OSBPL11: variants seen among roughly 807,000 people sequenced by gnomAD.
OSBPL11 encodes the protein oxysterol binding protein like 11.
OSBPL11 carries 33 observed loss-of-function variants against 84.4 expected under a neutral mutation model. That is an observed-to-expected ratio of 0.39 (90% CI 0.30 to 0.52). The LOEUF (loss-of-function observed/expected upper bound fraction) is 0.52. OSBPL11 is among the 20% of genes least tolerant of loss of function. The pLI is 0.72. For synonymous variants in OSBPL11, 276 were observed against 310.2 expected (o/e 0.89, Z 1.16); for missense variants, 736 against 901.1 (o/e 0.82, Z 2.35).
Position 125,560,536 on chromosome 3 carries a change from G to A in OSBPL11, c.1015-17C>T. ...TTCAGGCTCCTTGATGGAAAACAAAGCAAAAGTCTAGTATTTTAACTACCT... is the reference window on the plus strand; with the variant it reads ...TTCAGGCTCCTTGATGGAAAACAAAACAAAAGTCTAGTATTTTAACTACCT... On this transcript the variant is annotated splice_polypyrimidine_tract_variant and intron_variant, in intron 7 of 12. Transcript: ENST00000296220. 1 of 1,536,952 alleles carries A rather than the reference G, an allele frequency of 6.5e-7. No individual in the cohort carries two copies. The highest frequency in any genetic ancestry group is 8.8e-7 in the Non-Finnish European group (1 of 1,135,838).
At chr3:125,587,356 AT>A (rs1936529273) in intron 1 of OSBPL11, among the ~76,000 whole-genome samples, 1 of 152,234 alleles carries the variant, frequency 6.6e-6, no homozygotes, top group African/African-American at 2.4e-5. Context: ...AAGATGTTAA[AT>A]TTAATGAACC....
intron 9 of OSBPL11, among the ~76,000 whole-genome samples, chr3:125,548,025 C>T (rs930185214): frequency 6.6e-6 from 1 of 151,996 alleles, no homozygotes; most frequent in Non-Finnish European, 1.5e-5. Context: ...TACAGGTGCC[C>T]GCCACCATAC....
chr3:125,580,271 T>A (rs1015288234), intron 2 of OSBPL11, among the ~76,000 whole-genome samples: 1 of 151,990 alleles, frequency 6.6e-6, no homozygotes, highest in African/African-American at 2.4e-5. Context: ...TCCCAGCACT[T>A]TGGGAGGCAG....
chr3:125,588,582 C>A (rs1306437835), intron 1 of OSBPL11, among the ~76,000 whole-genome samples: 1 of 152,178 alleles, frequency 6.6e-6, no homozygotes, highest in Non-Finnish European at 1.5e-5. Flanking sequence ...AGGTACCAGG[C>A]AAGTCACATG....
chr3:125,582,282 C>G (rs925233792), intron 2 of OSBPL11, among the ~76,000 whole-genome samples: 1 of 151,894 alleles, frequency 6.6e-6, no homozygotes, highest in African/African-American at 2.4e-5. Context: ...TTACAGTGAG[C>G]CGAGATCATG....
chr3:125,583,714 G>T (rs1040250960), intron 1 of OSBPL11, among the ~76,000 whole-genome samples: 1 of 151,468 alleles, frequency 6.6e-6, no homozygotes, highest in Non-Finnish European at 1.5e-5. Context: ...AACATAATGA[G>T]ACACTGTCTC....
chr3:125,582,856 C>T (rs1270453949), intron 2 of OSBPL11, 54 bp downstream of exon 2: 2 of 1,223,176 alleles, frequency 1.6e-6, no homozygotes, highest in Non-Finnish European at 2.3e-6. Flanking sequence ...AATTATTGGG[C>T]CCTATTCCTG....
intron 8 of OSBPL11, among the ~76,000 whole-genome samples, chr3:125,559,996 T>C (rs1038931144): frequency 2.6e-5 from 4 of 151,520 alleles, no homozygotes; most frequent in African/African-American, 9.7e-5. Flanking sequence ...GTGCAATGGC[T>C]CACGCCTGTA....
rs1422516003 is a variant in OSBPL11, at chr3:125,594,834, G to A, written c.-34C>T. Reference sequence around the variant, plus strand: ...CAAAGTCCACTTGCCCTTCTTGAGCGGGAGAGAACAATTCTGTAGTTCTGT... The same window carrying A: ...CAAAGTCCACTTGCCCTTCTTGAGCAGGAGAGAACAATTCTGTAGTTCTGT... On this transcript the variant is annotated 5_prime_UTR_variant, in exon 1 of 13. Transcript: ENST00000296220. The A allele has an allele frequency of 1.9e-6, 3 of 1,604,114 alleles. No homozygotes were observed. Among genetic ancestry groups the A allele is most frequent in the East Asian group, 4.5e-5 (2 of 44,748 alleles).
chr3:125,547,472 G>A lies in OSBPL11; in HGVS notation c.1775C>T (p.Ala592Val). 1 of 1,614,052 alleles carries A rather than the reference G, an allele frequency of 6.2e-7. No individual in the cohort carries two copies. Among genetic ancestry groups the A allele is most frequent in the Non-Finnish European group, 8.5e-7 (1 of 1,180,000 alleles). ...GATGCTGGCTGAATATCCAGTTTTT[G>A]CACAGTTGACACTGACTTTGCCACC... Reference protein sequence around the residue: ...ELGGKVSVNCAKTGYSASITF... With the variant: ...ELGGKVSVNCVKTGYSASITF... Residue 592 changes from alanine to valine, a missense_variant, in exon 10 of 13, where the codon GCA (alanine) becomes GTA (valine). Coordinates refer to ENST00000296220, the MANE Select transcript of OSBPL11 (RefSeq NM_022776.5).
intron 1 of OSBPL11, among the ~76,000 whole-genome samples, chr3:125,593,348 G>A (rs1314069003): frequency 6.6e-6 from 1 of 152,136 alleles, no homozygotes; most frequent in Non-Finnish European, 1.5e-5. Flanking sequence ...GGCCAGGCGC[G>A]GTGGCTCAAG....
intron 1 of OSBPL11, among the ~76,000 whole-genome samples, chr3:125,584,424 G>A (rs1205705439): frequency 6.6e-6 from 1 of 152,032 alleles, no homozygotes; most frequent in Admixed American, 6.6e-5. Context: ...CTGTCCAGTT[G>A]CTCCATAATC....
chr3:125,588,921 C>T (rs116042525), intron 1 of OSBPL11, among the ~76,000 whole-genome samples: 2,706 of 152,280 alleles, frequency 0.018, 35 homozygotes, highest in Non-Finnish European at 0.029. Flanking sequence ...TAAAGTCTAA[C>T]TGTATTTTAA....
chr3:125,544,763 A>C (rs1167003054), intron 10 of OSBPL11, among the ~76,000 whole-genome samples: 1 of 152,174 alleles, frequency 6.6e-6, no homozygotes, highest in Non-Finnish European at 1.5e-5. Flanking sequence ...GTGAGAATGC[A>C]ATTAAAATTT....
At chr3:125,534,605 A>G (rs1935612565) in intron 11 of OSBPL11, among the ~76,000 whole-genome samples, 1 of 151,832 alleles carries the variant, frequency 6.6e-6, no homozygotes, top group South Asian at 2.1e-4. Context: ...AAACCCACAA[A>G]GGAAATAAGA....
intron 5 of OSBPL11, among the ~76,000 whole-genome samples, chr3:125,573,628 C>T (rs185808133): frequency 5.3e-4 from 80 of 152,024 alleles, no homozygotes; most frequent in African/African-American, 1.9e-3. Context: ...TTTGGGAGGC[C>T]GAGGCGGGTG....
intron 5 of OSBPL11, among the ~76,000 whole-genome samples, chr3:125,575,420 C>G (rs1422634047): frequency 6.6e-6 from 1 of 151,916 alleles, no homozygotes; most frequent in East Asian, 1.9e-4. Flanking sequence ...AGAGACAGGT[C>G]TTACTATGTT....
At chr3:125,532,225 A>G (rs1363231080) in intron 11 of OSBPL11, among the ~76,000 whole-genome samples, 1 of 152,222 alleles carries the variant, frequency 6.6e-6, no homozygotes, top group African/African-American at 2.4e-5. Context: ...TAAATTAAAA[A>G]TAATTTGTAT....
intron 11 of OSBPL11, 97 bp from the exon 12 acceptor site, chr3:125,532,111 C>T (rs1281042941): frequency 5.4e-6 from 7 of 1,284,914 alleles, no homozygotes; most frequent in East Asian, 2.5e-5. Context: ...TATAAAATAA[C>T]GTTTCCTAAA....
Sources: gnomAD v4.1 joint callset for allele counts (sites outside exome capture counted in the v4.1 genomes callset) on GRCh38, gnomAD v4.1.1 for gene constraint, MANE v1.5 for transcripts, NCBI Gene and HGNC (gene_info 2026-07-23, HGNC 2026-07-21) for gene names.